PDE4C: variants seen among roughly 807,000 people sequenced by gnomAD.
The protein encoded by PDE4C is 3',5'-cyclic-AMP phosphodiesterase 4C.
Under a neutral mutation model 63.9 loss-of-function variants are expected in PDE4C, and 50 were observed. The observed-to-expected ratio is 0.78, with a 90% confidence interval of 0.62 to 0.99. The LOEUF (loss-of-function observed/expected upper bound fraction) is 0.99. Among genes scored for constraint, PDE4C ranks in the 50% least tolerant of loss-of-function variants. The pLI is 0.00. For synonymous variants in PDE4C, 377 were observed against 385.1 expected (o/e 0.98, Z 0.25); for missense variants, 777 against 899.1 (o/e 0.86, Z 1.74).
upstream of PDE4C, among the ~76,000 whole-genome samples, chr19:18,250,834 C>A (rs1012202892): frequency 6.8e-6 from 1 of 148,134 alleles, no homozygotes; most frequent in African/African-American, 2.5e-5. Flanking sequence ...AGTGCAGTGA[C>A]GTTATCTCAG....
At chr19:18,221,052 G>GCCAGGGC in intron 4 of PDE4C, 53 bp downstream of exon 4, 2 of 1,245,306 alleles carry the variant, frequency 1.6e-6, no homozygotes, top group Non-Finnish European at 2.3e-6. Context: ...CCCGCTTTCC[G>GCCAGGGC]CCCACCTTGT....
chr19:18,247,699 C>A (rs1415247419), intron 1 of PDE4C, among the ~76,000 whole-genome samples: 1 of 152,110 alleles, frequency 6.6e-6, no homozygotes, highest in Non-Finnish European at 1.5e-5. Flanking sequence ...AGAGTGTTGT[C>A]CTGCTGTGCC....
At chr19:18,235,300 A>G (rs942835827), upstream of PDE4C, among the ~76,000 whole-genome samples, 10 of 152,120 alleles carry the variant, frequency 6.6e-5, no homozygotes, top group African/African-American at 2.4e-4. Flanking sequence ...TCTCCCAAGT[A>G]GCTGGGATTA....
intron 1 of PDE4C, among the ~76,000 whole-genome samples, chr19:18,231,982 G>T (rs1968857584): frequency 6.6e-6 from 1 of 152,012 alleles, no homozygotes; most frequent in Non-Finnish European, 1.5e-5. Context: ...AGCAGGGTGG[G>T]GTGAGGGAGT....
At chr19:18,232,601 A>G (rs1390210633) in intron 1 of PDE4C, among the ~76,000 whole-genome samples, 2 of 151,896 alleles carry the variant, frequency 1.3e-5, no homozygotes, top group Non-Finnish European at 2.9e-5. Flanking sequence ...ACACAGGCAC[A>G]CCCACAACTA....
upstream of PDE4C, among the ~76,000 whole-genome samples, chr19:18,249,489 G>T (rs540609608): frequency 6.6e-6 from 1 of 151,822 alleles, no homozygotes; most frequent in East Asian, 1.9e-4. Flanking sequence ...TGACCAGGCT[G>T]GTCTTGAACT....
the PDE4C span, among the ~76,000 whole-genome samples, chr19:18,254,778 A>G: frequency 6.6e-6 from 1 of 152,176 alleles, no homozygotes; most frequent in Non-Finnish European, 1.5e-5. Context: ...GTCTTATAGG[A>G]GAGCAAGAGG....
At chr19:18,238,788 C>T (rs1041490680) in intron 1 of PDE4C, among the ~76,000 whole-genome samples, 7 of 151,744 alleles carry the variant, frequency 4.6e-5, no homozygotes, top group Admixed American at 2.0e-4. Context: ...GTCAGGAATT[C>T]GACACCAGCC....
chr19:18,254,758 C>T, the PDE4C span, among the ~76,000 whole-genome samples: 3 of 152,142 alleles, frequency 2.0e-5, no homozygotes, highest in Non-Finnish European at 2.9e-5. Context: ...TCCCCTCCAC[C>T]CTAGGCACTG....
intron 11 of PDE4C, among the ~76,000 whole-genome samples, chr19:18,217,615 G>T (rs920844683): frequency 1.3e-5 from 2 of 152,170 alleles, no homozygotes; most frequent in African/African-American, 4.8e-5. Context: ...TGGTGGAACT[G>T]TCTGGGCGCG....
At chr19:18,245,886 C>T (rs1004931388) in intron 1 of PDE4C, among the ~76,000 whole-genome samples, 32 of 152,164 alleles carry the variant, frequency 2.1e-4, no homozygotes, top group African/African-American at 7.7e-4. Context: ...CTCTGTTGTC[C>T]AGGCTGGAGT....
exon 12 of PDE4C, chr19:18,216,850 T>C: frequency 6.2e-7 from 1 of 1,614,142 alleles, no homozygotes; most frequent in Non-Finnish European, 8.5e-7. Context: ...CAGGTGATGG[T>C]TCTCCAGCAC....
Position 18,242,647 on chromosome 19 carries a change from T to A in PDE4C, c.-210+5524A>T, listed in dbSNP as rs1969062391. ...AAATACAAAAAAAAATAGCCAGGCATGGTGGCATGGGGCAGTAATCCCAGC... is the reference window on the plus strand; with the variant it reads ...AAATACAAAAAAAAATAGCCAGGCAAGGTGGCATGGGGCAGTAATCCCAGC... On this transcript the variant is annotated intron_variant, in intron 1 of 15. Transcript: ENST00000594617. Among the ~76,000 whole-genome samples the A allele has an allele frequency of 2.6e-5, 4 of 151,300 alleles. No individual in the cohort carries two copies. The South Asian group carries it at 8.3e-4, about 32-fold the overall frequency.
the PDE4C span, among the ~76,000 whole-genome samples, chr19:18,254,742 G>A: frequency 2.0e-5 from 3 of 152,120 alleles, no homozygotes; most frequent in African/African-American, 7.2e-5. Flanking sequence ...AGAAGCTCAA[G>A]GCTCCTCCCC....
intron 1 of PDE4C, among the ~76,000 whole-genome samples, chr19:18,222,916 T>C (rs1968556712): frequency 6.6e-6 from 1 of 151,952 alleles, no homozygotes; most frequent in Non-Finnish European, 1.5e-5. Flanking sequence ...CCCAGGCTGG[T>C]CTTGAACTCC....
intron 12 of PDE4C, 63 bp downstream of exon 12, chr19:18,216,678 C>A: frequency 1.3e-6 from 2 of 1,482,264 alleles, no homozygotes; most frequent in Middle Eastern, 2.5e-4. Flanking sequence ...CTGCTGTCTG[C>A]AGATGAGAAG....
chr19:18,221,663 C>A (rs139561912), intron 2 of PDE4C, among the ~76,000 whole-genome samples: 1 of 152,102 alleles, frequency 6.6e-6, no homozygotes, highest in Non-Finnish European at 1.5e-5. Context: ...CTTGCTCTTT[C>A]GCCCAGGCTG....
chr19:18,242,475 C>CAAA lies in PDE4C; in HGVS notation c.-210+5693_-210+5695dup, dbSNP rs748870873. Among the ~76,000 whole-genome samples the CAAA allele has an allele frequency of 7.3e-3, 217 of 29,686 alleles. 36 individuals carry two copies. The highest frequency in any genetic ancestry group is 0.019 in the East Asian group (16 of 824). The allele number at this position is 29,686 out of a possible 152,430, so 19.5% of individuals were successfully genotyped here. On this transcript the variant is annotated intron_variant, in intron 1 of 15. Coordinates refer to the PDE4C transcript ENST00000594617. Reference sequence around the variant, plus strand: ...TGGGCAACAAAGGGAGACTCCATCTCAAAAAAAAAAAAAAAAAAAAAAAAA... The same window carrying CAAA: ...TGGGCAACAAAGGGAGACTCCATCTCAAAAAAAAAAAAAAAAAAAAAAAAAAAA...
At chr19:18,227,774 C>T (rs1038630827), upstream of PDE4C, among the ~76,000 whole-genome samples, 3 of 152,168 alleles carry the variant, frequency 2.0e-5, no homozygotes, top group South Asian at 2.1e-4. Flanking sequence ...CCCCCCGGGG[C>T]GGCTGCCTCA....
Sources: gnomAD v4.1 joint callset for allele counts (sites outside exome capture counted in the v4.1 genomes callset) on GRCh38, gnomAD v4.1.1 for gene constraint, MANE v1.5 for transcripts, NCBI Gene and HGNC (gene_info 2026-07-23, HGNC 2026-07-21) for gene names.